The following LONRF3 variants were observed in gnomAD, a reference collection of about 807,000 sequenced individuals.
LONRF3 encodes the protein LON peptidase N-terminal domain and ring finger 3.
A neutral mutation model predicts 51.7 loss-of-function variants in LONRF3; 19 were observed. The ratio of observed to expected loss-of-function variants is 0.37; its 90% confidence interval spans 0.26 to 0.54. The LOEUF is 0.54. LONRF3 is among the 20% of genes least tolerant of loss of function. The pLI is 0.86. For synonymous variants in LONRF3, 265 were observed against 257.8 expected (o/e 1.03, Z -0.27); for missense variants, 521 against 623.9 (o/e 0.84, Z 1.76).
intron 2 of LONRF3, among the ~76,000 whole-genome samples, chrX:118,982,361 G>A (rs1221418667): frequency 8.9e-6 from 1 of 111,764 alleles, no homozygotes; most frequent in African/African-American, 3.3e-5. Flanking sequence ...TGATCAGTTA[G>A]TGTAGGTGCT....
intron 5 of LONRF3, among the ~76,000 whole-genome samples, chrX:118,998,603 C>T (rs763997119): frequency 2.3e-4 from 26 of 111,678 alleles, no homozygotes; most frequent in Non-Finnish European, 4.3e-4. Context: ...CAATAACTTA[C>T]GGAAAAATAA....
chrX:119,010,931 T>A (rs1925058801), intron 7 of LONRF3, among the ~76,000 whole-genome samples: 1 of 109,774 alleles, frequency 9.1e-6, no homozygotes, highest in Admixed American at 9.7e-5. Flanking sequence ...CTGCCCAGCA[T>A]GGTGAAACCC....
chrX:119,011,617 C>T (rs1175438416), intron 7 of LONRF3, among the ~76,000 whole-genome samples, 198 bp from the exon 8 acceptor site: 3 of 112,382 alleles, frequency 2.7e-5, no homozygotes, highest in South Asian at 7.5e-4. Context: ...TCATGGGACT[C>T]AGCCCACACT....
At chrX:118,986,089 CACACACACACACAA>C (rs1354824108) in intron 3 of LONRF3, among the ~76,000 whole-genome samples, 4 of 105,581 alleles carry the variant, frequency 3.8e-5, no homozygotes, top group Non-Finnish European at 7.7e-5. Flanking sequence ...CACACACACA[CACACACACACACAA>C]TCCTTGCTAG....
chrX:119,009,498 C>T (rs901524634), intron 7 of LONRF3, among the ~76,000 whole-genome samples: 6 of 111,890 alleles, frequency 5.4e-5, no homozygotes, highest in African/African-American at 1.9e-4. Context: ...GATGAGGGTA[C>T]GCCCTGCCCC....
chrX:118,988,786 C>G lies in LONRF3; in HGVS notation c.1060-622C>G, dbSNP rs1252235847. On this transcript the variant is annotated intron_variant, in intron 3 of 10. Transcript: ENST00000371628. Reference sequence around the variant, plus strand: ...TAGAGACATTGTTGATTTTTTTTGCCAGGTGATTTTGTCTTTTTTTTTTTT... The same window carrying G: ...TAGAGACATTGTTGATTTTTTTTGCGAGGTGATTTTGTCTTTTTTTTTTTT... Among the ~76,000 whole-genome samples, 47 of 104,188 alleles carry G rather than the reference C, an allele frequency of 4.5e-4. 1 individual carries two copies. The highest frequency in any genetic ancestry group is 2.0e-5 in the Non-Finnish European group (1 of 50,886). The allele number at this position is 104,188 out of a possible 115,157, so 90.5% of individuals were successfully genotyped here.
rs201682368 is a variant in LONRF3, at chrX:118,975,335, G to A, written c.555G>A (p.Gly185=). 8.3e-6 allele frequency: 10 copies of A among 1,209,024 alleles called. No homozygotes were observed. The highest frequency in any genetic ancestry group is 3.5e-5 in the African/African-American group (2 of 57,475). ...HTFCKLCLER[G]RAADRRCALC... Reference sequence around the variant, plus strand: ...TTTGTAAACTGTGCCTGGAACGTGGGCGGGCCGCCGACCGGCGCTGTGCGC... The same window carrying A: ...TTTGTAAACTGTGCCTGGAACGTGGACGGGCCGCCGACCGGCGCTGTGCGC... Residue 185 remains glycine (G), a synonymous_variant, in exon 1 of 11, where the codon GGG becomes GGA. Coordinates refer to ENST00000371628, the MANE Select transcript of LONRF3 (RefSeq NM_001031855.3).
Position 118,978,331 on chromosome X carries a change from T to C in LONRF3, c.818-14T>C. ...GGGGCCATTAATAAAGGTTTTTCTTTCTTATTTTGACAGCTCCAAATGACC... is the reference window on the plus strand; with the variant it reads ...GGGGCCATTAATAAAGGTTTTTCTTCCTTATTTTGACAGCTCCAAATGACC... On this transcript the variant is annotated splice_polypyrimidine_tract_variant and intron_variant, in intron 1 of 10. Transcript: ENST00000371628. The C allele has an allele frequency of 1.7e-6, 2 of 1,143,213 alleles. No homozygotes were observed. Among genetic ancestry groups the C allele is most frequent in the South Asian group, 3.6e-5 (2 of 55,197 alleles). 94.2% of individuals were successfully genotyped at this position (1,143,213 alleles called of 1,213,427 possible).
chrX:118,980,644 G>A (rs970428444), intron 2 of LONRF3, among the ~76,000 whole-genome samples: 25 of 110,890 alleles, frequency 2.3e-4, no homozygotes, highest in Non-Finnish European at 3.8e-4. Context: ...AACACATTTA[G>A]TGTTTAATAC....
Position 118,978,483 on chromosome X carries a change from G to A in LONRF3, c.936+20G>A. On this transcript the variant is annotated intron_variant, in intron 2 of 10. Coordinates refer to ENST00000371628, the MANE Select transcript of LONRF3 (RefSeq NM_001031855.3). ...TTTAAGGTGAGTGTGGGATGGAAGA[G>A]GTGGGAAGGGGTTGTACTGTAGACA... 2.8e-6 allele frequency: 3 copies of A among 1,068,088 alleles called. No homozygotes were observed. Among genetic ancestry groups the A allele is most frequent in the Non-Finnish European group, 3.9e-6 (3 of 767,911 alleles). 88.0% of individuals were successfully genotyped at this position (1,068,088 alleles called of 1,213,427 possible).
At chrX:118,983,021 T>C (rs1922688645) in intron 3 of LONRF3, 78 bp downstream of exon 3, 1 of 1,096,111 alleles carries the variant, frequency 9.1e-7, no homozygotes, top group African/African-American at 1.8e-5. Context: ...GGAGTGAGGG[T>C]GCTGTCCTCC....
chrX:118,983,171 C>G (rs1157697975), intron 3 of LONRF3, among the ~76,000 whole-genome samples: 1 of 111,571 alleles, frequency 9.0e-6, no homozygotes, highest in East Asian at 2.8e-4. Context: ...TTTGTAGGAG[C>G]CTGTGAGGAA....
chrX:119,002,860 G>A (rs1426257377), intron 5 of LONRF3, among the ~76,000 whole-genome samples: 1 of 110,205 alleles, frequency 9.1e-6, no homozygotes, highest in African/African-American at 3.3e-5. Flanking sequence ...GTGCAGTGGT[G>A]CAATCTCGGC....
Position 118,975,101 on chromosome X carries a change from G to A in LONRF3, c.321G>A (p.Leu107=). ...QQLVAEQLEQ[L]VRCLAEKVPQ... ...TGGTGGCTGAGCAGCTGGAGCAGCT[G>A]GTGCGCTGCCTGGCGGAGAAAGTCC... Residue 107 remains leucine, a synonymous_variant, in exon 1 of 11, where the codon CTG becomes CTA. Coordinates refer to ENST00000371628, the MANE Select transcript of LONRF3 (RefSeq NM_001031855.3). 2 of 1,171,674 alleles carry A rather than the reference G, an allele frequency of 1.7e-6. No homozygotes were observed. Among genetic ancestry groups the A allele is most frequent in the Non-Finnish European group, 1.1e-6 (1 of 875,806 alleles).
chrX:119,007,786 T>C (rs1368851371), intron 6 of LONRF3, among the ~76,000 whole-genome samples: 2 of 111,840 alleles, frequency 1.8e-5, no homozygotes, highest in African/African-American at 6.5e-5. Context: ...AGTTGTAGGA[T>C]TTGCAGGCCT....
intron 7 of LONRF3, among the ~76,000 whole-genome samples, chrX:119,011,519 A>G (rs1326724345): frequency 1.8e-5 from 2 of 112,358 alleles, no homozygotes; most frequent in African/African-American, 6.5e-5. Flanking sequence ...CCACAATATT[A>G]AGATACTAGA....
intron 7 of LONRF3, among the ~76,000 whole-genome samples, chrX:119,011,044 G>A (rs917430558): frequency 3.7e-5 from 4 of 108,243 alleles, no homozygotes; most frequent in African/African-American, 1.4e-4. Context: ...AACCCGGGAG[G>A]CGGAGGTTGC....
intron 3 of LONRF3, 110 bp from the exon 4 acceptor site, chrX:118,989,298 C>T (rs1923235710): frequency 1.1e-6 from 1 of 895,060 alleles, no homozygotes; most frequent in South Asian, 2.6e-5. Context: ...ACTATGAGTT[C>T]GGGGTGGGGA....
intron 3 of LONRF3, among the ~76,000 whole-genome samples, chrX:118,983,373 C>T (rs934324620): frequency 8.9e-6 from 1 of 111,886 alleles, no homozygotes; most frequent in Non-Finnish European, 1.9e-5. Context: ...CACATGACAG[C>T]CAGCCCCTGG....
Sources: gnomAD v4.1 joint callset for allele counts (sites outside exome capture counted in the v4.1 genomes callset) on GRCh38, gnomAD v4.1.1 for gene constraint, MANE v1.5 for transcripts, NCBI Gene and HGNC (gene_info 2026-07-23, HGNC 2026-07-21) for gene names.